Variants in BCAS2 observed in about 807,000 individuals in gnomAD.
BCAS2 encodes the protein pre-mRNA-splicing factor SPF27.
A neutral mutation model predicts 35.3 loss-of-function variants in BCAS2; 34 were observed. The observed-to-expected ratio is 0.96, with a 90% confidence interval of 0.73 to 1.28. The LOEUF is 1.28. Among genes scored for constraint, BCAS2 ranks in the 50% most tolerant of loss-of-function variants. The pLI is 0.00. For synonymous variants in BCAS2, 75 were observed against 91.6 expected (o/e 0.82, Z 1.03); for missense variants, 221 against 268.1 (o/e 0.82, Z 1.23).
intron 6 of BCAS2, 138 bp downstream of exon 6, chr1:114,569,854 C>T (rs187577417): frequency 1.0e-4 from 67 of 666,690 alleles, no homozygotes; most frequent in East Asian, 4.7e-4. Context: ...GAGGCAGAGA[C>T]GGGGAAGGGT....
At chr1:114,576,792 T>A in intron 2 of BCAS2, 34 bp from the exon 3 acceptor site, 1 of 1,518,234 alleles carries the variant, frequency 6.6e-7, no homozygotes, top group Non-Finnish European at 9.1e-7. Flanking sequence ...ATTTCTAAGA[T>A]CATGTTGACA....
chr1:114,568,085 C>T lies in BCAS2; in HGVS notation c.*45G>A, dbSNP rs774822886. 1.9e-6 allele frequency: 3 copies of T among 1,610,078 alleles called. No homozygotes were observed. Among genetic ancestry groups the T allele is most frequent in the South Asian group, 2.2e-5 (2 of 90,858 alleles). ...CAAAGTTCATTAAAAGTTCAGATGC[C>T]TTTTGTGAAAGCCCAACTTTTCTTC... On this transcript the variant is annotated 3_prime_UTR_variant, in exon 7 of 7. Coordinates refer to ENST00000369541, the MANE Select transcript of BCAS2 (RefSeq NM_005872.3).
At chr1:114,577,519 A>G (rs1479229317) in intron 2 of BCAS2, among the ~76,000 whole-genome samples, 1 of 152,042 alleles carries the variant, frequency 6.6e-6, no homozygotes, top group Admixed American at 6.5e-5. Context: ...GGCATCTGCC[A>G]CTATGCCTGG....
At position 114,581,584 on chromosome 1, in the gene BCAS2, C is replaced by G. The variant is rs1377854892; in HGVS notation, c.8G>C (p.Gly3Ala). 2 of 1,613,036 alleles carry G rather than the reference C, an allele frequency of 1.2e-6. No homozygotes were observed. Among genetic ancestry groups the G allele is most frequent in the Non-Finnish European group, 1.7e-6 (2 of 1,179,974 alleles). MAGTGLVAGEVVV... is the reference protein window; with the variant it reads MAATGLVAGEVVV... The stretch of plus-strand genomic sequence containing the variant: ...AACCTCTCCAGCCACCAAACCTGTG[C>G]CCGCCATTCTGAGGACCTCAGGTTT... Residue 3 changes from glycine (G) to alanine (A), a missense_variant, in exon 1 of 7, where the codon GGC becomes GCC. Physicochemically the swap from Gly to Ala is moderately conservative, Grantham distance 60 (BLOSUM62 0). Coordinates refer to ENST00000369541, the MANE Select transcript of BCAS2 (RefSeq NM_005872.3).
At chr1:114,576,609 C>A (rs1654774079) in intron 3 of BCAS2, 79 bp downstream of exon 3, 2 of 1,239,642 alleles carry the variant, frequency 1.6e-6, no homozygotes, top group Non-Finnish European at 2.3e-6. Context: ...TATTAGCCAG[C>A]AAATACATTC....
intron 2 of BCAS2, among the ~76,000 whole-genome samples, chr1:114,580,504 C>T (rs1654862202): frequency 6.6e-6 from 1 of 152,166 alleles, no homozygotes; most frequent in African/African-American, 2.4e-5. Flanking sequence ...CTTATACATA[C>T]CCTCCGCTAT....
In BCAS2 at chr1:114,581,594, T is replaced by G; in HGVS notation, c.-3A>C. ...GCCACCAAACCTGTGCCCGCCATTC[T>G]GAGGACCTCAGGTTTGCCTGCGTTT... On this transcript the variant is annotated 5_prime_UTR_variant, in exon 1 of 7. Coordinates refer to ENST00000369541, the MANE Select transcript of BCAS2 (RefSeq NM_005872.3). 6.2e-7 allele frequency: 1 copy of G among 1,613,246 alleles called. No homozygotes were observed. The highest frequency in any genetic ancestry group is 8.5e-7 in the Non-Finnish European group (1 of 1,180,034).
intron 3 of BCAS2, among the ~76,000 whole-genome samples, chr1:114,576,168 GAT>G (rs2101629390): frequency 6.6e-6 from 1 of 150,650 alleles, no homozygotes; most frequent in East Asian, 2.0e-4. Flanking sequence ...AATGAGAAGC[GAT>G]ATGACTCCTT....
intron 4 of BCAS2, among the ~76,000 whole-genome samples, chr1:114,572,805 G>C (rs763701781): frequency 1.5e-4 from 23 of 152,082 alleles, no homozygotes; most frequent in Non-Finnish European, 1.8e-4. Context: ...GTAAGGAAAA[G>C]CCCTTGAATA....
intron 2 of BCAS2, among the ~76,000 whole-genome samples, chr1:114,580,356 G>A (rs1307627134): frequency 2.0e-5 from 3 of 152,104 alleles, no homozygotes; most frequent in African/African-American, 7.2e-5. Flanking sequence ...ATTTCATTTA[G>A]CTAACTAGAC....
intron 2 of BCAS2, among the ~76,000 whole-genome samples, chr1:114,579,834 C>G (rs1012333613): frequency 6.6e-6 from 1 of 152,202 alleles, no homozygotes; most frequent in Non-Finnish European, 1.5e-5. Context: ...CCACTGCACT[C>G]CAGCCTGGGT....
At chr1:114,571,607 C>T (rs1216585440) in intron 4 of BCAS2, among the ~76,000 whole-genome samples, 2 of 152,170 alleles carry the variant, frequency 1.3e-5, no homozygotes, top group Non-Finnish European at 2.9e-5. Flanking sequence ...AATCTCCCCA[C>T]CTCAGCCTCC....
Position 114,576,741 on chromosome 1 carries a change from A to G in BCAS2, c.204T>C (p.Asn68=), listed in dbSNP as rs773904549. 4.0e-5 allele frequency: 65 copies of G among 1,610,060 alleles called. No individual in the cohort carries two copies. Among genetic ancestry groups the G allele is most frequent in the Non-Finnish European group, 5.3e-5 (62 of 1,178,746 alleles). ...YSAFETDIMR[N]EFERLAARQP... is the part of the protein sequence containing the mutation. ...GTCGAGCAGCCAGTCTTTCAAATTC[A>G]TTTCTCATTATGTCAGTCTGATGTG... Residue 68 remains asparagine, a synonymous_variant, in exon 3 of 7, where the codon AAT becomes AAC. Coordinates refer to ENST00000369541, the MANE Select transcript of BCAS2 (RefSeq NM_005872.3).
chr1:114,568,021 C>A lies in BCAS2; in HGVS notation c.*109G>T. ...CTACACCTTCTATGATTTCTAAACA[C>A]TTAAACATCAATGGTTTTGGGAAGA... On this transcript the variant is annotated 3_prime_UTR_variant, in exon 7 of 7. Coordinates refer to ENST00000369541, the MANE Select transcript of BCAS2 (RefSeq NM_005872.3). The A allele has an allele frequency of 7.0e-7, 1 of 1,427,638 alleles. No individual in the cohort carries two copies. Among genetic ancestry groups the A allele is most frequent in the Non-Finnish European group, 9.6e-7 (1 of 1,037,500 alleles). The allele number at this position is 1,427,638 out of a possible 1,614,324, so 88.4% of individuals were successfully genotyped here.
At chr1:114,573,145 A>C (rs951748767) in intron 4 of BCAS2, among the ~76,000 whole-genome samples, 11 of 135,474 alleles carry the variant, frequency 8.1e-5, no homozygotes, top group Non-Finnish European at 1.4e-4. Context: ...AAAAAAAAAA[A>C]AAAAAACTTG....
intron 2 of BCAS2, among the ~76,000 whole-genome samples, chr1:114,581,070 A>G (rs1654877973): frequency 6.6e-6 from 1 of 152,164 alleles, no homozygotes; most frequent in Non-Finnish European, 1.5e-5. Context: ...GGTAGCCACA[A>G]ATTTTTGCAT....
Position 114,581,599 on chromosome 1 carries a change from A to T in BCAS2, c.-8T>A. The T allele has an allele frequency of 1.2e-6, 2 of 1,612,916 alleles. No homozygotes were observed. Among genetic ancestry groups the T allele is most frequent in the Non-Finnish European group, 1.7e-6 (2 of 1,179,976 alleles). On this transcript the variant is annotated 5_prime_UTR_variant, in exon 1 of 7. Transcript: ENST00000369541. ...CAAACCTGTGCCCGCCATTCTGAGG[A>T]CCTCAGGTTTGCCTGCGTTTTCTGC...
intron 4 of BCAS2, 106 bp downstream of exon 4, chr1:114,575,484 T>C: frequency 5.1e-6 from 6 of 1,165,732 alleles, no homozygotes; most frequent in Non-Finnish European, 7.0e-6. Flanking sequence ...CATGAGCCAC[T>C]GCACCCAGCA....
intron 4 of BCAS2, among the ~76,000 whole-genome samples, chr1:114,571,486 A>G (rs1038922092): frequency 2.2e-4 from 33 of 151,950 alleles, no homozygotes; most frequent in Admixed American, 3.3e-4. Flanking sequence ...CCTTCAAAGT[A>G]GCTTGGATTA....
Sources: allele counts gnomAD v4.1 joint callset (sites outside exome capture counted in the v4.1 genomes callset), GRCh38; gene constraint gnomAD v4.1.1; transcripts MANE v1.5; gene names NCBI Gene and HGNC (gene_info 2026-07-23, HGNC 2026-07-21).